RELN: variants seen among roughly 807,000 people sequenced by gnomAD.
RELN encodes the protein reelin.
Under a neutral mutation model 427.6 loss-of-function variants are expected in RELN, and 108 were observed. That is an observed-to-expected ratio of 0.25 (90% CI 0.22 to 0.30). The LOEUF (loss-of-function observed/expected upper bound fraction) is 0.30. Among genes scored for constraint, RELN ranks in the 10% least tolerant of loss-of-function variants. The probability of loss-of-function intolerance (pLI) is 1.00; values close to 1 mark genes in which losing one functional copy is unlikely to be tolerated. For missense variants in RELN, 3,715 were observed against 4,302.8 expected, an observed-to-expected ratio of 0.86 and a Z score of 3.82; for synonymous variants, 1,524 against 1,513.4, an observed-to-expected ratio of 1.01 and a Z score of -0.16.
intron 3 of RELN, among the ~76,000 whole-genome samples, chr7:103,819,670 G>A (rs1792968405): frequency 6.6e-6 from 1 of 151,904 alleles, no homozygotes; most frequent in South Asian, 2.1e-4. Flanking sequence ...ACAAATCTGA[G>A]ATCCATAGAA....
At chr7:103,490,276 TG>T (rs1254453805) in intron 59 of RELN, among the ~76,000 whole-genome samples, 4 of 152,232 alleles carry the variant, frequency 2.6e-5, no homozygotes. Flanking sequence ...CTGTCAGCCC[TG>T]CACACCCAGC....
intron 11 of RELN, among the ~76,000 whole-genome samples, chr7:103,675,110 G>A (rs1833486683): frequency 6.6e-6 from 1 of 152,194 alleles, no homozygotes. Flanking sequence ...TCTGTTTGCA[G>A]ATGACATGAT....
intron 3 of RELN, among the ~76,000 whole-genome samples, chr7:103,830,131 C>A (rs1793241047): frequency 1.3e-5 from 2 of 151,726 alleles, no homozygotes. Flanking sequence ...TTCAGAGATG[C>A]CAAAAATGTA....
At chr7:103,544,198 A>G (rs1406119242) in intron 42 of RELN, among the ~76,000 whole-genome samples, 1 of 149,680 alleles carries the variant, frequency 6.7e-6, no homozygotes, top group East Asian at 2.0e-4. Flanking sequence ...GTTTACAAAA[A>G]CTGAGCAAAA....
At chr7:103,974,958 G>A (rs1796840817) in intron 1 of RELN, among the ~76,000 whole-genome samples, 2 of 152,180 alleles carry the variant, frequency 1.3e-5, no homozygotes, top group South Asian at 2.1e-4. Context: ...ATTGCTATGA[G>A]AACTATTTTG....
intron 3 of RELN, among the ~76,000 whole-genome samples, chr7:103,791,024 T>G (rs1584495284): frequency 6.6e-6 from 1 of 151,714 alleles, no homozygotes; most frequent in Admixed American, 6.6e-5. Context: ...ATTTATAAAC[T>G]CATTGAAAAG....
chr7:103,699,185 A>T (rs984600255), intron 9 of RELN, among the ~76,000 whole-genome samples: 1 of 152,120 alleles, frequency 6.6e-6, no homozygotes, highest in Non-Finnish European at 1.5e-5. Flanking sequence ...TAAAATGCAA[A>T]CTAGTGGTAC....
chr7:103,821,782 A>T (rs1793021409), intron 3 of RELN, among the ~76,000 whole-genome samples: 1 of 141,882 alleles, frequency 7.0e-6, no homozygotes. Context: ...ACTACAGTGT[A>T]CATTTTTAAT....
intron 1 of RELN, among the ~76,000 whole-genome samples, chr7:103,934,950 A>C (rs1192155327): frequency 6.6e-6 from 1 of 152,220 alleles, no homozygotes; most frequent in Non-Finnish European, 1.5e-5. Flanking sequence ...CTAGACGTTT[A>C]AATAGAACAA....
chr7:103,777,431 T>A lies in RELN; in HGVS notation c.474-804A>T, dbSNP rs262339. ...TTAGAAAATAAGCCATACACAAAAC[T>A]TTTTTTAATAACAAAAAAATTAGCA... On this transcript the variant is annotated intron_variant, in intron 3 of 64. Coordinates refer to ENST00000428762, the MANE Select transcript of RELN (RefSeq NM_005045.4). 1.4e-4 allele frequency among the ~76,000 whole-genome samples: 22 copies of A among 152,106 alleles called. No homozygotes were observed. The South Asian group carries it at 4.4e-3, about 30-fold the overall frequency.
At chr7:103,740,469 T>C (rs974275509) in intron 6 of RELN, among the ~76,000 whole-genome samples, 1 of 152,222 alleles carries the variant, frequency 6.6e-6, no homozygotes, top group Non-Finnish European at 1.5e-5. Flanking sequence ...TTTTAAATAA[T>C]TTGAAATATT....
At chr7:103,676,346 T>C (rs887649821) in intron 11 of RELN, among the ~76,000 whole-genome samples, 13 of 152,092 alleles carry the variant, frequency 8.5e-5, no homozygotes, top group African/African-American at 2.2e-4. Context: ...TGAGATACCA[T>C]CTCACACCAG....
At chr7:103,489,201 GGGGT>G (rs1297798012) in intron 60 of RELN, among the ~76,000 whole-genome samples, 5 of 117,210 alleles carry the variant, frequency 4.3e-5, no homozygotes, top group Middle Eastern at 7.4e-3. Context: ...GAGTCATAAA[GGGGT>G]GTGTGTGTGT....
chr7:103,917,255 AG>A (rs1584364812), intron 1 of RELN, 70 bp from the exon 2 acceptor site: 4 of 1,189,252 alleles, frequency 3.4e-6, no homozygotes, highest in Non-Finnish European at 5.0e-6. Flanking sequence ...CTGAAGTGTT[AG>A]ACATTGTCAA....
intron 22 of RELN, among the ~76,000 whole-genome samples, chr7:103,605,579 G>A (rs1296858775): frequency 6.6e-6 from 1 of 152,068 alleles, no homozygotes; most frequent in African/African-American, 2.4e-5. Flanking sequence ...GAATTTTCAG[G>A]GACCTGTGGT....
intron 1 of RELN, among the ~76,000 whole-genome samples, chr7:103,966,012 C>G (rs932806965): frequency 5.3e-5 from 8 of 152,052 alleles, no homozygotes; most frequent in African/African-American, 1.9e-4. Flanking sequence ...TTCTTAGAAA[C>G]TGAGTCTTTA....
chr7:103,701,641 A>C (rs1177080474), intron 8 of RELN, among the ~76,000 whole-genome samples: 2 of 152,174 alleles, frequency 1.3e-5, no homozygotes, highest in African/African-American at 4.8e-5. Context: ...TACTAGCATC[A>C]AAGAAAAATT....
intron 27 of RELN, among the ~76,000 whole-genome samples, chr7:103,590,429 C>T (rs1001821365): frequency 4.6e-5 from 7 of 152,062 alleles, no homozygotes; most frequent in East Asian, 1.9e-4. Context: ...AGCGTGGTGG[C>T]GGGCACCTGT....
intron 20 of RELN, among the ~76,000 whole-genome samples, chr7:103,619,653 T>C (rs931817002): frequency 6.6e-6 from 1 of 152,184 alleles, no homozygotes; most frequent in Admixed American, 6.5e-5. Context: ...GAGCAATCTG[T>C]GGACAAAAAA....
Sources: gnomAD v4.1 joint callset for allele counts (sites outside exome capture counted in the v4.1 genomes callset) on GRCh38, gnomAD v4.1.1 for gene constraint, MANE v1.5 for transcripts, NCBI Gene and HGNC (gene_info 2026-07-23, HGNC 2026-07-21) for gene names.